Variants in CBFA2T3 observed in about 807,000 individuals in gnomAD.
The protein encoded by CBFA2T3 is CBFA2/RUNX1 partner transcriptional co-repressor 3.
Under a neutral mutation model 58.6 loss-of-function variants are expected in CBFA2T3, and 31 were observed. The ratio of observed to expected loss-of-function variants is 0.53; its 90% CI spans 0.40 to 0.71. The LOEUF (loss-of-function observed/expected upper bound fraction) is 0.71, where lower values mean the gene tolerates loss of function less well. CBFA2T3 is among the 30% of genes least tolerant of loss of function. CBFA2T3 has a pLI of 0.00. For synonymous variants in CBFA2T3, 531 were observed against 421.9 expected (o/e 1.26, Z -3.17); for missense variants, 1,076 against 963.1 (o/e 1.12, Z -1.55).
chr16:88,921,824 A>G (rs186954729), intron 1 of CBFA2T3, among the ~76,000 whole-genome samples: 170 of 152,266 alleles, frequency 1.1e-3, no homozygotes, highest in African/African-American at 3.8e-3. Context: ...CGCCCCCCAT[A>G]TGCGCCATAG....
intron 1 of CBFA2T3, among the ~76,000 whole-genome samples, chr16:88,911,348 C>T (rs1188386235): frequency 1.3e-5 from 2 of 152,230 alleles, no homozygotes; most frequent in African/African-American, 4.8e-5. Flanking sequence ...ACTGTGAACT[C>T]GGGGTGGGGG....
chr16:88,879,191 A>G (rs1222500341), intron 11 of CBFA2T3, 79 bp downstream of exon 11: 1 of 1,294,218 alleles, frequency 7.7e-7, no homozygotes. Context: ...GTGGAGGCTC[A>G]GAATCCTCAT....
intron 1 of CBFA2T3, among the ~76,000 whole-genome samples, chr16:88,967,659 C>T (rs903034471): frequency 1.1e-4 from 17 of 152,218 alleles, no homozygotes; most frequent in African/African-American, 3.4e-4. Flanking sequence ...AGGCCGGGGA[C>T]GGGGACGGCG....
At chr16:88,891,993 T>C in intron 4 of CBFA2T3, 22 bp from the exon 5 acceptor site, 3 of 1,592,922 alleles carry the variant, frequency 1.9e-6, no homozygotes, top group South Asian at 2.2e-5. Flanking sequence ...AAAACCCACC[T>C]CACATCAGCA....
chr16:88,877,153 G>A lies in CBFA2T3; in HGVS notation c.1785C>T (p.Ser595=). 3 of 1,551,158 alleles carry A rather than the reference G, an allele frequency of 1.9e-6. No homozygotes were observed. The highest frequency in any genetic ancestry group is 1.4e-5 in the African/African-American group (1 of 73,198). The change falls in exon 12 of 12, where the codon AGC becomes AGT. Residue 595 remains serine (S), a synonymous_variant. Transcript: ENST00000268679. The part of the protein sequence containing the change: ...WEKHHHVCGQ[S]LQGPTAVVAD... ...CCACCACGGCTGTGGGGCCCTGCAGGCTCTGGCCACACACGTGGTGATGCT... is the reference window on the plus strand; with the variant it reads ...CCACCACGGCTGTGGGGCCCTGCAGACTCTGGCCACACACGTGGTGATGCT...
At chr16:88,914,830 C>T (rs940301233) in intron 1 of CBFA2T3, among the ~76,000 whole-genome samples, 1 of 152,222 alleles carries the variant, frequency 6.6e-6, no homozygotes, top group African/African-American at 2.4e-5. Context: ...AAATGGGACC[C>T]AGATGTCTGG....
At chr16:88,895,264 T>A (rs1201387090) in intron 3 of CBFA2T3, among the ~76,000 whole-genome samples, 1 of 152,124 alleles carries the variant, frequency 6.6e-6, no homozygotes, top group Non-Finnish European at 1.5e-5. Context: ...TAAGTGTCCC[T>A]CCAGTAACCT....
chr16:88,903,262 C>T (rs1453762449), intron 1 of CBFA2T3, among the ~76,000 whole-genome samples: 6 of 152,218 alleles, frequency 3.9e-5, no homozygotes, highest in African/African-American at 9.7e-5. Flanking sequence ...GCTCCTTTTA[C>T]AGAGAGGCAG....
At chr16:88,941,460 C>T (rs1033590904) in intron 1 of CBFA2T3, among the ~76,000 whole-genome samples, 8 of 147,898 alleles carry the variant, frequency 5.4e-5, no homozygotes, top group African/African-American at 1.7e-4. Context: ...AGCTCCGCCC[C>T]GGGGCGCCGG....
intron 1 of CBFA2T3, among the ~76,000 whole-genome samples, chr16:88,971,854 C>T (rs1000061063): frequency 2.6e-5 from 4 of 152,254 alleles, no homozygotes; most frequent in African/African-American, 9.6e-5. Context: ...CTGCGCCTCC[C>T]CGGTCAACTG....
At position 88,881,465 on chromosome 16, in the gene CBFA2T3, C is replaced by A; in HGVS notation, c.1228G>T (p.Val410Leu). The change falls in exon 9 of 12, where the codon GTG becomes TTG. Residue 410 changes from valine (V) to leucine (L), a missense_variant. By Grantham distance (32) the Val-to-Leu change is conservative. Transcript: ENST00000268679. ...NNLLNCIMDMVEKTRRSLTVL... is the reference protein window; with the variant it reads ...NNLLNCIMDMLEKTRRSLTVL... ...GTGAGCGAGCGCCGCGTCTTCTCCA[C>A]CATGTCCATGATGCAGTTCAGGAGC... The A allele has an allele frequency of 6.2e-7, 1 of 1,609,454 alleles. No individual in the cohort carries two copies. Among genetic ancestry groups the A allele is most frequent in the Non-Finnish European group, 8.5e-7 (1 of 1,178,068 alleles).
At chr16:88,966,083 T>G (rs1972493964) in intron 1 of CBFA2T3, among the ~76,000 whole-genome samples, 1 of 152,190 alleles carries the variant, frequency 6.6e-6, no homozygotes, top group Non-Finnish European at 1.5e-5. Context: ...AGACCTCGCC[T>G]CCTCTCGTAG....
intron 2 of CBFA2T3, among the ~76,000 whole-genome samples, chr16:88,898,820 C>T (rs1009557977): frequency 6.6e-6 from 1 of 152,160 alleles, no homozygotes; most frequent in African/African-American, 2.4e-5. Flanking sequence ...CCCAGGAGTT[C>T]AAGACCAGCC....
At chr16:88,962,525 C>A (rs529521880) in intron 1 of CBFA2T3, among the ~76,000 whole-genome samples, 4 of 152,310 alleles carry the variant, frequency 2.6e-5, no homozygotes, top group African/African-American at 9.6e-5. Flanking sequence ...TGTCGTGAGT[C>A]CCGAAGGAGA....
At chr16:88,901,479 C>T (rs376565753) in intron 2 of CBFA2T3, 25 bp downstream of exon 2, 38 of 1,373,708 alleles carry the variant, frequency 2.8e-5, no homozygotes, top group South Asian at 4.5e-5. Flanking sequence ...ACCTGGCCCT[C>T]GGCTGCCAGG....
chr16:88,962,912 T>C (rs1444331470), intron 1 of CBFA2T3, among the ~76,000 whole-genome samples: 2 of 152,154 alleles, frequency 1.3e-5, no homozygotes, highest in African/African-American at 4.8e-5. Flanking sequence ...CCCGCGTGTC[T>C]GAAAACTTCC....
At chr16:88,933,996 T>C (rs970241011) in intron 1 of CBFA2T3, among the ~76,000 whole-genome samples, 3 of 152,170 alleles carry the variant, frequency 2.0e-5, no homozygotes, top group African/African-American at 7.2e-5. Flanking sequence ...TCGAAAATAA[T>C]GAGTTTTGGA....
chr16:88,971,570 T>C (rs1005407256), intron 1 of CBFA2T3, among the ~76,000 whole-genome samples: 2 of 152,086 alleles, frequency 1.3e-5, no homozygotes, highest in Admixed American at 1.3e-4. Context: ...GGAGCGGCCG[T>C]CCTGGGGGTG....
At chr16:88,968,172 G>A (rs1227704519) in intron 1 of CBFA2T3, among the ~76,000 whole-genome samples, 3 of 152,226 alleles carry the variant, frequency 2.0e-5, no homozygotes, top group Non-Finnish European at 4.4e-5. Flanking sequence ...ACGCCCTGGT[G>A]AGAGGCCGAA....
Sources: allele counts gnomAD v4.1 joint callset (sites outside exome capture counted in the v4.1 genomes callset), GRCh38; gene constraint gnomAD v4.1.1; transcripts MANE v1.5; gene names NCBI Gene and HGNC (gene_info 2026-07-23, HGNC 2026-07-21).